The following TLN2 variants were observed in gnomAD, a reference collection of about 807,000 sequenced individuals.
TLN2 encodes talin 2.
TLN2 carries 118 observed loss-of-function variants against 294.7 expected under a neutral mutation model. That is an observed-to-expected ratio of 0.40 (90% confidence interval 0.34 to 0.47). The LOEUF (loss-of-function observed/expected upper bound fraction) is 0.47, where lower values mean the gene tolerates loss of function less well. TLN2 is among the 20% of genes least tolerant of loss of function. The pLI, the probability that TLN2 is intolerant of heterozygous loss-of-function variation, is 0.84. For synonymous variants in TLN2, 1,431 were observed against 1,304.5 expected, an observed-to-expected ratio of 1.10 and a Z score of -2.09; for missense variants, 3,083 against 3,282.2, an observed-to-expected ratio of 0.94 and a Z score of 1.48.
At chr15:62,647,530 G>A in intron 4 of TLN2, 84 bp downstream of exon 4, 1 of 1,580,436 alleles carries the variant, frequency 6.3e-7, no homozygotes, top group Non-Finnish European at 8.6e-7. Context: ...GGCTCCAAGT[G>A]GTACACAAGC....
At chr15:62,424,361 A>G (rs12442308) in intron 1 of TLN2, among the ~76,000 whole-genome samples, 29,942 of 152,152 alleles carry the variant, frequency 0.2, 3,049 homozygotes, top group Non-Finnish European at 0.22. Flanking sequence ...AAGGAATGAG[A>G]CGCGGAGTGG....
intron 1 of TLN2, among the ~76,000 whole-genome samples, chr15:62,432,464 A>G (rs1286776383): frequency 1.3e-5 from 2 of 152,222 alleles, no homozygotes; most frequent in East Asian, 1.9e-4. Flanking sequence ...TCCACTCATG[A>G]GGTTGGAGCT....
At chr15:62,577,680 A>G (rs1038918972) in intron 1 of TLN2, among the ~76,000 whole-genome samples, 7 of 152,078 alleles carry the variant, frequency 4.6e-5, no homozygotes, top group Admixed American at 2.0e-4. Flanking sequence ...TGTTTTGTAT[A>G]TATTTAACTT....
chr15:62,754,236 A>C, intron 36 of TLN2: 2 of 207,700 alleles, frequency 9.6e-6, no homozygotes, highest in African/African-American at 2.3e-5. Context: ...TAAGGGTTCA[A>C]TGTGCGCAGG....
intron 6 of TLN2, 129 bp downstream of exon 6, chr15:62,652,263 C>A (rs930823819): frequency 1.0e-6 from 1 of 986,438 alleles, no homozygotes; most frequent in Non-Finnish European, 1.4e-6. Flanking sequence ...TCTGCCTAAT[C>A]CCCAGAGGGT....
chr15:62,736,332 C>T (rs1478215596), intron 28 of TLN2, among the ~76,000 whole-genome samples: 2 of 146,148 alleles, frequency 1.4e-5, no homozygotes, highest in Non-Finnish European at 3.0e-5. Context: ...AAAAAAAAAA[C>T]AGTAAAAGTA....
chr15:62,617,906 A>G (rs997651868), intron 2 of TLN2, among the ~76,000 whole-genome samples: 1 of 152,224 alleles, frequency 6.6e-6, no homozygotes, highest in Admixed American at 6.5e-5. Flanking sequence ...TTCTGAAAAG[A>G]AAGAAGACTC....
intron 19 of TLN2, among the ~76,000 whole-genome samples, chr15:62,705,004 A>G (rs1016406532): frequency 1.4e-4 from 21 of 152,254 alleles, no homozygotes; most frequent in African/African-American, 3.9e-4. Flanking sequence ...TTAAGGAGAA[A>G]GTCACAATTC....
At chr15:62,612,625 T>C (rs1335840820) in intron 2 of TLN2, among the ~76,000 whole-genome samples, 1 of 152,190 alleles carries the variant, frequency 6.6e-6, no homozygotes, top group Non-Finnish European at 1.5e-5. Flanking sequence ...ATAATGAGCC[T>C]GCTTGTTCGT....
intron 41 of TLN2, 126 bp from the exon 42 acceptor site, chr15:62,770,838 G>A (rs976500550): frequency 8.2e-5 from 95 of 1,160,822 alleles, no homozygotes; most frequent in Non-Finnish European, 1.1e-4. Flanking sequence ...GTAAATTGCA[G>A]CAGATCTGCC....
In TLN2 at chr15:62,755,582, T is replaced by C. The variant is rs772264783; in HGVS notation, c.4527T>C (p.Asn1509=). ...IVAKHTSALC[N]ACRIASSKTA... is the part of the protein sequence containing the mutation. Reference sequence around the variant, plus strand: ...CCAAGCACACGTCAGCCTTGTGCAATGCCTGCCGCATCGCCTCATCCAAGA... The same window carrying C: ...CCAAGCACACGTCAGCCTTGTGCAACGCCTGCCGCATCGCCTCATCCAAGA... Residue 1509 remains asparagine, a synonymous_variant, in exon 37 of 59, where the codon AAT becomes AAC. Coordinates refer to ENST00000636159, the MANE Select transcript of TLN2 (RefSeq NM_015059.3). The C allele has an allele frequency of 1.2e-6, 2 of 1,614,168 alleles. No homozygotes were observed. The highest frequency in any genetic ancestry group is 1.7e-6 in the Non-Finnish European group (2 of 1,179,980).
intron 1 of TLN2, among the ~76,000 whole-genome samples, chr15:62,560,111 TA>T (rs2042836613): frequency 6.6e-6 from 1 of 152,166 alleles, no homozygotes; most frequent in African/African-American, 2.4e-5. Context: ...AGTGGGAAGG[TA>T]GGGCAGGTCC....
intron 21 of TLN2, among the ~76,000 whole-genome samples, chr15:62,710,452 A>C (rs1260795446): frequency 6.6e-6 from 1 of 152,174 alleles, no homozygotes; most frequent in African/African-American, 2.4e-5. Flanking sequence ...ATAATTTAAC[A>C]AGATAGGAAT....
At chr15:62,785,242 T>C (rs1344364028) in intron 45 of TLN2, among the ~76,000 whole-genome samples, 1 of 152,226 alleles carries the variant, frequency 6.6e-6, no homozygotes, top group African/African-American at 2.4e-5. Flanking sequence ...CTATCATTTT[T>C]TTTTTAAATA....
At chr15:62,642,270 T>A (rs74020012) in intron 3 of TLN2, among the ~76,000 whole-genome samples, 3,019 of 152,296 alleles carry the variant, frequency 0.02, 95 homozygotes, top group African/African-American at 0.058. Context: ...TCATTCAAAT[T>A]CGGGTAAACG....
At chr15:62,495,118 G>T (rs2038952188) in intron 1 of TLN2, among the ~76,000 whole-genome samples, 1 of 152,172 alleles carries the variant, frequency 6.6e-6, no homozygotes. Flanking sequence ...ACTGTGCAAT[G>T]CCTTCTCAGT....
intron 52 of TLN2, among the ~76,000 whole-genome samples, chr15:62,812,239 C>T (rs994256326): frequency 6.6e-6 from 1 of 152,064 alleles, no homozygotes; most frequent in East Asian, 1.9e-4. Context: ...GGAGGAGATA[C>T]AGGGATCCTC....
At chr15:62,400,898 C>T (rs954079511) in intron 1 of TLN2, among the ~76,000 whole-genome samples, 1 of 150,160 alleles carries the variant, frequency 6.7e-6, no homozygotes, top group Non-Finnish European at 1.5e-5. Context: ...TCACTGCAGC[C>T]TCTGCTTCCT....
Position 62,653,152 on chromosome 15 carries a change from CA to C in TLN2, c.365-8del, listed in dbSNP as rs1284885537. ...TTATTTATAATTATAACCTAATTTCCAATGTTTAGGAATAACAAATTATGAA... is the reference window on the plus strand; with the variant it reads ...TTATTTATAATTATAACCTAATTTCCATGTTTAGGAATAACAAATTATGAA... On this transcript the variant is annotated splice_polypyrimidine_tract_variant and intron_variant, in intron 6 of 58. Transcript: ENST00000636159. The C allele has an allele frequency of 6.5e-7, 1 of 1,532,928 alleles. No individual in the cohort carries two copies. The highest frequency in any genetic ancestry group is 1.4e-5 in the African/African-American group (1 of 71,540). The allele number at this position is 1,532,928 out of a possible 1,614,324, so 95.0% of individuals were successfully genotyped here.
Sources: gnomAD v4.1 joint callset for allele counts (sites outside exome capture counted in the v4.1 genomes callset) on GRCh38, gnomAD v4.1.1 for gene constraint, MANE v1.5 for transcripts, NCBI Gene and HGNC (gene_info 2026-07-23, HGNC 2026-07-21) for gene names.